PDE4D: variants seen among roughly 807,000 people sequenced by gnomAD.
PDE4D encodes phosphodiesterase 4D.
A neutral mutation model predicts 87.4 loss-of-function variants in PDE4D; 24 were observed. The ratio of observed to expected loss-of-function variants is 0.27; its 90% confidence interval spans 0.20 to 0.39. The LOEUF is 0.39. PDE4D is among the 10% of genes least tolerant of loss of function. The pLI is 1.00. For missense variants in PDE4D, 714 were observed against 1,041.0 expected (o/e 0.69, Z 4.32); for synonymous variants, 384 against 383.2 (o/e 1.00, Z -0.02).
intron 2 of PDE4D, among the ~76,000 whole-genome samples, chr5:60,009,364 T>C (rs1234420821): frequency 6.6e-6 from 1 of 152,028 alleles, no homozygotes; most frequent in African/African-American, 2.4e-5. Context: ...GAAGAACTTT[T>C]CCTAAGATTA....
chr5:59,698,122 G>T (rs1200035957), intron 1 of PDE4D, among the ~76,000 whole-genome samples: 1 of 152,082 alleles, frequency 6.6e-6, no homozygotes, highest in East Asian at 1.9e-4. Context: ...ACTATAAGAG[G>T]CTCCTAATTT....
chr5:60,026,427 T>C (rs1766625782), intron 2 of PDE4D, among the ~76,000 whole-genome samples: 2 of 152,278 alleles, frequency 1.3e-5, no homozygotes, highest in Middle Eastern at 3.4e-3. Flanking sequence ...TCATTCCTCA[T>C]GCACAGATCA....
chr5:59,550,079 T>C (rs1177073059), intron 1 of PDE4D, among the ~76,000 whole-genome samples: 2 of 152,040 alleles, frequency 1.3e-5, no homozygotes, highest in Admixed American at 1.3e-4. Context: ...GTTGGTATTT[T>C]GTGATGTCCG....
intron 1 of PDE4D, among the ~76,000 whole-genome samples, chr5:59,299,238 G>C (rs954207633): frequency 3.9e-5 from 6 of 152,166 alleles, no homozygotes; most frequent in Non-Finnish European, 7.3e-5. Context: ...GATTGTTAAT[G>C]ACCCCCGGAA....
chr5:59,175,728 T>A (rs1356784262), intron 5 of PDE4D, among the ~76,000 whole-genome samples: 8 of 151,182 alleles, frequency 5.3e-5, no homozygotes, highest in African/African-American at 1.9e-4. Context: ...TCCACCCGCC[T>A]TGGCCTCCCA....
At chr5:60,124,291 T>C (rs1778939588) in intron 2 of PDE4D, among the ~76,000 whole-genome samples, 1 of 152,142 alleles carries the variant, frequency 6.6e-6, no homozygotes, top group African/African-American at 2.4e-5. Context: ...ACTCAGAACT[T>C]CCTCAGATTA....
intron 1 of PDE4D, among the ~76,000 whole-genome samples, chr5:60,303,455 C>T (rs539380355): frequency 2.6e-5 from 4 of 151,956 alleles, no homozygotes; most frequent in South Asian, 4.2e-4. Flanking sequence ...ACTACAGGCG[C>T]GCGCCACCAC....
At chr5:59,026,480 T>C (rs888689676) in intron 6 of PDE4D, among the ~76,000 whole-genome samples, 6 of 152,236 alleles carry the variant, frequency 3.9e-5, no homozygotes, top group Non-Finnish European at 7.3e-5. Context: ...AAATGTTATA[T>C]TGACACTCAC....
intron 2 of PDE4D, among the ~76,000 whole-genome samples, chr5:60,000,674 T>C (rs905121167): frequency 6.6e-5 from 10 of 152,216 alleles, no homozygotes; most frequent in African/African-American, 2.4e-4. Flanking sequence ...TGGTGGTGCA[T>C]AAATTATTTT....
Position 60,180,289 on chromosome 5 carries a change from T to C in PDE4D, c.42+5268A>G, listed in dbSNP as rs1313853275. Among the ~76,000 whole-genome samples the C allele has an allele frequency of 2.6e-5, 4 of 152,314 alleles. No homozygotes were observed. The East Asian group carries it at 7.7e-4, about 29-fold the overall frequency. Reference sequence around the variant, plus strand: ...ATACTCTTGGCTATTCTTATACTATTGTTGATTATCTGAGAAAAATTCTTT... The same window carrying C: ...ATACTCTTGGCTATTCTTATACTATCGTTGATTATCTGAGAAAAATTCTTT... On this transcript the variant is annotated intron_variant, in intron 2 of 16. Transcript: ENST00000502484.
At chr5:59,804,782 T>C (rs886252173) in intron 1 of PDE4D, among the ~76,000 whole-genome samples, 2 of 152,148 alleles carry the variant, frequency 1.3e-5, no homozygotes, top group Admixed American at 1.3e-4. Flanking sequence ...TAGCGTTGTT[T>C]CTTTTTCTAT....
intron 1 of PDE4D, among the ~76,000 whole-genome samples, chr5:60,312,534 C>G (rs771888880): frequency 6.6e-6 from 1 of 152,158 alleles, no homozygotes; most frequent in Admixed American, 6.5e-5. Context: ...AGGCAGGCAC[C>G]TTCTTCACAA....
intron 1 of PDE4D, among the ~76,000 whole-genome samples, chr5:60,500,226 C>T (rs200025469): frequency 1.3e-5 from 2 of 152,168 alleles, no homozygotes; most frequent in East Asian, 3.9e-4. Context: ...ATCACTTGAA[C>T]CCAAAAGGTC....
intron 1 of PDE4D, among the ~76,000 whole-genome samples, chr5:59,365,941 G>A (rs1364820864): frequency 6.6e-6 from 1 of 152,190 alleles, no homozygotes; most frequent in African/African-American, 2.4e-5. Flanking sequence ...TCCAGAATGA[G>A]CTGAATTAGG....
At chr5:59,895,843 C>G (rs989478602), upstream of PDE4D, among the ~76,000 whole-genome samples, 2 of 152,172 alleles carry the variant, frequency 1.3e-5, no homozygotes, top group Non-Finnish European at 2.9e-5. Flanking sequence ...TAATTCAAAT[C>G]CAACCTGATT....
chr5:59,308,230 A>G (rs1771824457), intron 1 of PDE4D, among the ~76,000 whole-genome samples: 1 of 150,624 alleles, frequency 6.6e-6, no homozygotes, highest in Non-Finnish European at 1.5e-5. Flanking sequence ...GGGAAGGGGG[A>G]GGGATAGCAT....
intron 5 of PDE4D, among the ~76,000 whole-genome samples, chr5:59,134,054 G>A (rs939018661): frequency 6.6e-6 from 1 of 150,648 alleles, no homozygotes; most frequent in Non-Finnish European, 1.5e-5. Flanking sequence ...CCTTGTACAT[G>A]GTTTCTCTTC....
chr5:59,172,460 C>A lies in PDE4D; in HGVS notation c.808+8135G>T, dbSNP rs1336269258. 2.0e-5 allele frequency among the ~76,000 whole-genome samples: 3 copies of A among 146,944 alleles called. No individual in the cohort carries two copies. The Admixed American group carries it at 2.1e-4, about 10-fold the overall frequency. On this transcript the variant is annotated intron_variant, in intron 5 of 14. Coordinates refer to ENST00000340635, the MANE Select transcript of PDE4D (RefSeq NM_001104631.2). The stretch of plus-strand genomic sequence containing the variant: ...CTATAATCCCAGCACTTTGGGAGGC[C>A]AAGGTGGGCAGATTGCTTGAGCCTA...
chr5:59,196,494 T>C (rs1227489843), intron 2 of PDE4D, among the ~76,000 whole-genome samples: 1 of 152,220 alleles, frequency 6.6e-6, no homozygotes, highest in Non-Finnish European at 1.5e-5. Flanking sequence ...TAGGTAAATA[T>C]AGGGCTGCAA....
Sources: allele counts gnomAD v4.1 joint callset (sites outside exome capture counted in the v4.1 genomes callset), GRCh38; gene constraint gnomAD v4.1.1; transcripts MANE v1.5; gene names NCBI Gene and HGNC (gene_info 2026-07-23, HGNC 2026-07-21).